The following ARSB variants were observed in gnomAD, a reference collection of about 807,000 sequenced individuals.
ARSB encodes N-acetylgalactosamine-4-sulfatase.
ARSB carries 41 observed loss-of-function variants against 50.9 expected under a neutral mutation model. The ratio of observed to expected loss-of-function variants is 0.81; its 90% confidence interval spans 0.63 to 1.04. ARSB has a LOEUF of 1.04. Ranked by LOEUF, ARSB falls within the 50% of genes least tolerant of loss-of-function variation. The pLI, the probability that ARSB is intolerant of heterozygous loss-of-function variation, is 0.00. For synonymous variants in ARSB, 269 were observed against 284.8 expected (o/e 0.94, Z 0.56); for missense variants, 672 against 693.3 (o/e 0.97, Z 0.35).
chr5:78,934,785 G>A (rs983164362), intron 4 of ARSB, among the ~76,000 whole-genome samples: 22 of 151,990 alleles, frequency 1.4e-4, no homozygotes, highest in Non-Finnish European at 2.8e-4. Context: ...GACAGAGCGA[G>A]ATTCTGTCTC....
At chr5:78,906,660 T>C (rs990381283) in intron 4 of ARSB, among the ~76,000 whole-genome samples, 1 of 150,614 alleles carries the variant, frequency 6.6e-6, no homozygotes, top group African/African-American at 2.5e-5. Flanking sequence ...GCAAAAGTAA[T>C]TGCAGTTTTC....
intron 4 of ARSB, among the ~76,000 whole-genome samples, chr5:78,942,151 C>T (rs1174414660): frequency 1.2e-4 from 18 of 152,136 alleles, no homozygotes; most frequent in Middle Eastern, 3.4e-3. Context: ...TTTTTTATTG[C>T]ATCTATTTGA....
intron 4 of ARSB, among the ~76,000 whole-genome samples, chr5:78,918,251 A>G (rs1749647331): frequency 6.6e-6 from 1 of 152,224 alleles, no homozygotes; most frequent in South Asian, 2.1e-4. Context: ...AGCTGAAGTC[A>G]GAAGCTTTAG....
intron 4 of ARSB, among the ~76,000 whole-genome samples, chr5:78,937,364 T>TATATATAAGATATATATATC (rs1750668193): frequency 5.3e-5 from 3 of 56,326 alleles, no homozygotes; most frequent in African/African-American, 1.5e-4. Flanking sequence ...ATATGTAAGA[T>TATATATAAGATATATATATC]ATATATATGT....
In ARSB at chr5:78,795,251, C is replaced by T. The variant is rs116095564; in HGVS notation, c.1214-13277G>A. On this transcript the variant is annotated intron_variant, in intron 6 of 7. Transcript: ENST00000264914. The stretch of plus-strand genomic sequence containing the variant: ...CTGCCCAGCAGAGGTGGCCAATGTC[C>T]ACCTTGGTTCATCTTTGGGAGTCTC... Among the ~76,000 whole-genome samples the T allele has an allele frequency of 7.4e-3, 1,134 of 152,326 alleles. 15 individuals are homozygous for T. The highest frequency in any genetic ancestry group is 0.025 in the African/African-American group (1,052 of 41,570).
intron 2 of ARSB, among the ~76,000 whole-genome samples, chr5:78,968,274 A>AAAC (rs1752290842): frequency 6.6e-6 from 1 of 150,846 alleles, no homozygotes; most frequent in Non-Finnish European, 1.5e-5. Flanking sequence ...AGGGAGAAAA[A>AAAC]AACACACCAA....
chr5:78,873,167 C>T (rs1747309506), intron 5 of ARSB, among the ~76,000 whole-genome samples: 1 of 152,026 alleles, frequency 6.6e-6, no homozygotes, highest in Non-Finnish European at 1.5e-5. Flanking sequence ...AAATCATCAA[C>T]TGCCAATATT....
intron 5 of ARSB, among the ~76,000 whole-genome samples, chr5:78,858,986 C>T (rs1013313888): frequency 3.5e-4 from 53 of 152,276 alleles, no homozygotes; most frequent in African/African-American, 1.2e-3. Context: ...TTAAAGATTG[C>T]ACAAGTAATT....
intron 6 of ARSB, among the ~76,000 whole-genome samples, chr5:78,790,361 A>G (rs1280532936): frequency 6.6e-6 from 1 of 152,172 alleles, no homozygotes; most frequent in Non-Finnish European, 1.5e-5. Flanking sequence ...TCTAAATGCA[A>G]CGATACATTA....
intron 4 of ARSB, among the ~76,000 whole-genome samples, chr5:78,922,686 C>T (rs1216331333): frequency 6.6e-6 from 1 of 150,520 alleles, no homozygotes. Context: ...AATTGTAAAG[C>T]GGACTTTTGT....
At chr5:78,840,397 A>C (rs1727836577) in intron 5 of ARSB, among the ~76,000 whole-genome samples, 1 of 152,212 alleles carries the variant, frequency 6.6e-6, no homozygotes, top group Admixed American at 6.5e-5. Context: ...CCACACGCCA[A>C]ACTCACAGTT....
intron 1 of ARSB, among the ~76,000 whole-genome samples, chr5:78,973,414 A>T (rs1752540941): frequency 6.6e-6 from 1 of 152,216 alleles, no homozygotes; most frequent in South Asian, 2.1e-4. Flanking sequence ...AAGGTCTGCA[A>T]ATCCAGTGGA....
intron 5 of ARSB, among the ~76,000 whole-genome samples, chr5:78,857,910 C>T (rs994250457): frequency 6.6e-6 from 1 of 152,208 alleles, no homozygotes; most frequent in Non-Finnish European, 1.5e-5. Flanking sequence ...GTAGCTTGCA[C>T]TGATAGAACA....
At chr5:78,913,121 C>CTTTTT (rs11440743) in intron 4 of ARSB, among the ~76,000 whole-genome samples, 24 of 140,046 alleles carry the variant, frequency 1.7e-4, no homozygotes, top group East Asian at 2.1e-4. Context: ...TTTTAATTCG[C>CTTTTT]TTTTTTTTTT....
intron 5 of ARSB, among the ~76,000 whole-genome samples, chr5:78,881,386 G>C (rs982661083): frequency 6.6e-6 from 1 of 151,442 alleles, no homozygotes; most frequent in African/African-American, 2.4e-5. Context: ...ACATGGGAAA[G>C]ACATCCATGT....
At chr5:78,788,901 G>A (rs1749168376) in intron 6 of ARSB, among the ~76,000 whole-genome samples, 1 of 152,188 alleles carries the variant, frequency 6.6e-6, no homozygotes, top group South Asian at 2.1e-4. Context: ...AAGTGCTGAG[G>A]TATTATAAGT....
chr5:78,805,227 C>T (rs567827787), intron 6 of ARSB, among the ~76,000 whole-genome samples: 2 of 152,318 alleles, frequency 1.3e-5, no homozygotes, highest in East Asian at 1.9e-4. Flanking sequence ...ATCCTACAGT[C>T]CCATCAAGTT....
At chr5:78,876,007 C>A (rs1270477859) in intron 5 of ARSB, among the ~76,000 whole-genome samples, 1 of 152,098 alleles carries the variant, frequency 6.6e-6, no homozygotes, top group African/African-American at 2.4e-5. Flanking sequence ...GAAATATATT[C>A]TTTCATATGA....
intron 1 of ARSB, among the ~76,000 whole-genome samples, chr5:78,984,551 T>G (rs1753055365): frequency 6.6e-6 from 1 of 152,038 alleles, no homozygotes; most frequent in African/African-American, 2.4e-5. Context: ...TCATTTTACC[T>G]CTCCCCTCGT....
Sources: allele counts gnomAD v4.1 joint callset (sites outside exome capture counted in the v4.1 genomes callset), GRCh38; gene constraint gnomAD v4.1.1; transcripts MANE v1.5; gene names NCBI Gene and HGNC (gene_info 2026-07-23, HGNC 2026-07-21).